Variants in VAV3 observed in about 807,000 individuals in gnomAD.
The protein encoded by VAV3 is vav guanine nucleotide exchange factor 3.
Under a neutral mutation model 131.2 loss-of-function variants are expected in VAV3, and 94 were observed. That is an observed-to-expected ratio of 0.72 (90% CI 0.61 to 0.85). The LOEUF (loss-of-function observed/expected upper bound fraction) is 0.85. Ranked by LOEUF, VAV3 falls within the 40% of genes least tolerant of loss-of-function variation. VAV3 has a pLI of 0.00. For synonymous variants in VAV3, 349 were observed against 342.0 expected (o/e 1.02, Z -0.22); for missense variants, 939 against 1,002.7 (o/e 0.94, Z 0.86).
chr1:107,617,324 T>C (rs1053550711), intron 21 of VAV3, among the ~76,000 whole-genome samples: 3 of 152,174 alleles, frequency 2.0e-5, no homozygotes, highest in Non-Finnish European at 4.4e-5. Context: ...TTCTAAAACC[T>C]TTTAGACTAC....
intron 2 of VAV3, among the ~76,000 whole-genome samples, chr1:107,846,837 C>T (rs1450607181): frequency 6.6e-6 from 1 of 152,010 alleles, no homozygotes; most frequent in Non-Finnish European, 1.5e-5. Context: ...ACTTTAACAC[C>T]CCACTGTCAA....
intron 2 of VAV3, among the ~76,000 whole-genome samples, chr1:107,847,627 G>T (rs894795094): frequency 1.3e-5 from 2 of 152,132 alleles, no homozygotes; most frequent in African/African-American, 4.8e-5. Context: ...TACCATCAGA[G>T]AATACTATAA....
chr1:107,792,232 T>C (rs771290905), intron 2 of VAV3, among the ~76,000 whole-genome samples: 21 of 152,230 alleles, frequency 1.4e-4, no homozygotes, highest in Non-Finnish European at 2.4e-4. Context: ...GTATTTTTTT[T>C]CTTACATTTT....
intron 15 of VAV3, among the ~76,000 whole-genome samples, chr1:107,706,772 G>A (rs915649380): frequency 1.3e-5 from 2 of 152,142 alleles, no homozygotes; most frequent in African/African-American, 4.8e-5. Flanking sequence ...TAGATGATTT[G>A]TCAAATAAGT....
At chr1:107,609,824 C>A (rs566891174) in intron 22 of VAV3, 107 bp downstream of exon 22, 4 of 1,169,440 alleles carry the variant, frequency 3.4e-6, no homozygotes, top group East Asian at 4.7e-5. Flanking sequence ...CACCTTTAGC[C>A]GAGACAAATG....
intron 20 of VAV3, among the ~76,000 whole-genome samples, chr1:107,634,492 C>A (rs1173739708): frequency 1.3e-5 from 2 of 151,994 alleles, no homozygotes; most frequent in East Asian, 1.9e-4. Flanking sequence ...TAAAGACTTA[C>A]ATGTTAGACC....
chr1:107,650,861 A>C (rs199960276), intron 19 of VAV3, among the ~76,000 whole-genome samples: 1 of 152,084 alleles, frequency 6.6e-6, no homozygotes, highest in East Asian at 1.9e-4. Context: ...ATTTCCAATC[A>C]CAATAGCAAA....
chr1:107,826,772 T>C (rs1213059030), intron 2 of VAV3, among the ~76,000 whole-genome samples: 1 of 152,168 alleles, frequency 6.6e-6, no homozygotes, highest in Non-Finnish European at 1.5e-5. Flanking sequence ...CTGTCTGCAG[T>C]AATCAAATTG....
intron 2 of VAV3, among the ~76,000 whole-genome samples, chr1:107,828,013 C>T (rs1668087859): frequency 6.6e-6 from 1 of 152,062 alleles, no homozygotes; most frequent in East Asian, 1.9e-4. Context: ...CTCAACACAC[C>T]CCAAGACATG....
chr1:107,920,152 A>G (rs774463788), intron 1 of VAV3, among the ~76,000 whole-genome samples: 3 of 152,232 alleles, frequency 2.0e-5, no homozygotes, highest in Non-Finnish European at 4.4e-5. Context: ...TTCAAGATCT[A>G]TAACTCACTG....
chr1:107,922,226 A>G (rs1006989951), intron 1 of VAV3, among the ~76,000 whole-genome samples: 4 of 152,174 alleles, frequency 2.6e-5, no homozygotes, highest in Admixed American at 6.5e-5. Flanking sequence ...AAGCTGTATC[A>G]TAATATATAT....
At chr1:107,691,867 G>T (rs564264490) in intron 17 of VAV3, among the ~76,000 whole-genome samples, 1 of 152,148 alleles carries the variant, frequency 6.6e-6, no homozygotes, top group African/African-American at 2.4e-5. Context: ...TGCATTATTG[G>T]TGCAAGAGAA....
chr1:107,798,434 C>T (rs951654210), intron 2 of VAV3, among the ~76,000 whole-genome samples: 2 of 151,964 alleles, frequency 1.3e-5, no homozygotes, highest in African/African-American at 2.4e-5. Context: ...GAACATGCAC[C>T]GAGGCCAGGC....
At chr1:107,598,101 C>T (rs1411394622) in intron 24 of VAV3, among the ~76,000 whole-genome samples, 1 of 152,134 alleles carries the variant, frequency 6.6e-6, no homozygotes, top group Non-Finnish European at 1.5e-5. Flanking sequence ...TGCCTGTAAT[C>T]CCAGCACTTT....
chr1:107,623,921 A>G (rs1570632966), intron 20 of VAV3, among the ~76,000 whole-genome samples: 1 of 152,178 alleles, frequency 6.6e-6, no homozygotes, highest in Non-Finnish European at 1.5e-5. Flanking sequence ...ATTCTGAATA[A>G]GTCTAAGAAA....
At chr1:107,642,861 C>A in intron 19 of VAV3, 106 bp from the exon 20 acceptor site, 1 of 1,454,500 alleles carries the variant, frequency 6.9e-7, no homozygotes, top group Non-Finnish European at 9.3e-7. Context: ...GTGTTAATAC[C>A]ACCAAGTCCA....
At chr1:107,616,798 C>T (rs1236021026) in intron 21 of VAV3, among the ~76,000 whole-genome samples, 1 of 152,088 alleles carries the variant, frequency 6.6e-6, no homozygotes, top group Non-Finnish European at 1.5e-5. Context: ...TGAAATATAG[C>T]AAGCACGATA....
At chr1:107,650,502 T>C (rs1297117511) in intron 19 of VAV3, among the ~76,000 whole-genome samples, 1 of 151,730 alleles carries the variant, frequency 6.6e-6, no homozygotes, top group Non-Finnish European at 1.5e-5. Context: ...CCCAACATGA[T>C]GGTATTAGGA....
chr1:107,895,264 A>G (rs1376860568), intron 1 of VAV3, among the ~76,000 whole-genome samples: 1 of 152,182 alleles, frequency 6.6e-6, no homozygotes. Flanking sequence ...ACAAAAATCA[A>G]TATTATTTCC....
Sources: gnomAD v4.1 joint callset for allele counts (sites outside exome capture counted in the v4.1 genomes callset) on GRCh38, gnomAD v4.1.1 for gene constraint, MANE v1.5 for transcripts, NCBI Gene and HGNC (gene_info 2026-07-23, HGNC 2026-07-21) for gene names.